PRMT7: variants seen among roughly 807,000 people sequenced by gnomAD.
PRMT7 encodes protein arginine N-methyltransferase 7.
PRMT7 carries 75 observed loss-of-function variants against 85.4 expected under a neutral mutation model. That is an observed-to-expected ratio of 0.88 (90% confidence interval 0.73 to 1.06). The LOEUF is 1.06. PRMT7 is among the 50% of genes least tolerant of loss of function. PRMT7 has a pLI of 0.00. For synonymous variants in PRMT7, 397 were observed against 359.5 expected, an observed-to-expected ratio of 1.10 and a Z score of -1.18; for missense variants, 868 against 915.2, an observed-to-expected ratio of 0.95 and a Z score of 0.67.
downstream of PRMT7, chr16:68,358,942 T>G (rs1308191009): frequency 6.6e-6 from 1 of 152,216 alleles, no homozygotes; most frequent in African/African-American, 2.4e-5. Flanking sequence ...CTGAGGGAGG[T>G]GTGCGGGGGC....
intron 5 of PRMT7, chr16:68,328,094 C>A: frequency 3.6e-6 from 1 of 274,204 alleles, no homozygotes; most frequent in Non-Finnish European, 7.9e-6. Flanking sequence ...ATAAATTAAA[C>A]CTGGTCATAG....
At chr16:68,340,419 A>G (rs2085331099) in intron 9 of PRMT7, among the ~76,000 whole-genome samples, 2 of 152,162 alleles carry the variant, frequency 1.3e-5, no homozygotes. Context: ...ACTGTCCCTC[A>G]TAATAAGAGA....
chr16:68,314,836 A>C (rs2044473636), intron 2 of PRMT7, among the ~76,000 whole-genome samples: 1 of 152,180 alleles, frequency 6.6e-6, no homozygotes, highest in Admixed American at 6.5e-5. Context: ...CTTTGGGGAG[A>C]CAGGCCATAC....
chr16:68,315,856 CGTTT>C (rs2044675420), intron 2 of PRMT7, 37 bp from the exon 3 acceptor site: 3 of 777,480 alleles, frequency 3.9e-6, no homozygotes, highest in Non-Finnish European at 6.5e-6. Flanking sequence ...TTTTTCTGTT[CGTTT>C]GTTTATATAC....
At chr16:68,334,384 CCT>C (rs1399751214) in intron 6 of PRMT7, among the ~76,000 whole-genome samples, 1 of 152,212 alleles carries the variant, frequency 6.6e-6, no homozygotes, top group African/African-American at 2.4e-5. Flanking sequence ...CTCTGCTTTT[CCT>C]CTCTAACCAC....
intron 9 of PRMT7, among the ~76,000 whole-genome samples, chr16:68,343,624 A>G (rs2085875481): frequency 6.6e-6 from 1 of 152,194 alleles, no homozygotes; most frequent in Non-Finnish European, 1.5e-5. Flanking sequence ...GGGCAGTGCC[A>G]TGGGAGCCTA....
chr16:68,324,597 T>A, intron 4 of PRMT7, 86 bp from the exon 5 acceptor site: 6 of 1,527,070 alleles, frequency 3.9e-6, no homozygotes, highest in Non-Finnish European at 5.4e-6. Context: ...GCACTGCCAC[T>A]GCCAGCTGTG....
At chr16:68,339,216 A>T in intron 7 of PRMT7, 106 bp from the exon 8 acceptor site, 1 of 1,471,550 alleles carries the variant, frequency 6.8e-7, no homozygotes. Flanking sequence ...GTTGGGCATT[A>T]CTGAACCAAC....
intron 6 of PRMT7, among the ~76,000 whole-genome samples, chr16:68,330,063 T>C (rs1056491899): frequency 2.0e-5 from 3 of 151,762 alleles, no homozygotes; most frequent in African/African-American, 7.3e-5. Context: ...CTGGCTGCTT[T>C]TTGTATTTTT....
At chr16:68,311,600 GCCCAGCTTGATTGAGCAGAAGATGTGAT>G (rs2043714635) in intron 1 of PRMT7, 1 of 152,440 alleles carries the variant, frequency 6.6e-6, no homozygotes, top group Non-Finnish European at 1.5e-5. Flanking sequence ...AGTCGACAAG[GCCCAGCTTGATTGAGCAGAAGATGTGAT>G]AGGAGATGAG....
intron 16 of PRMT7, 185 bp from the exon 17 acceptor site, chr16:68,355,538 G>C: frequency 1.9e-6 from 1 of 522,000 alleles, no homozygotes; most frequent in Non-Finnish European, 3.1e-6. Flanking sequence ...AGCGGTGCCT[G>C]GGGAGCCACT....
chr16:68,323,075 A>G (rs960200721), intron 4 of PRMT7, among the ~76,000 whole-genome samples: 22 of 152,136 alleles, frequency 1.4e-4, no homozygotes, highest in Non-Finnish European at 2.8e-4. Flanking sequence ...AAACGGTCAT[A>G]CTGATTGTAT....
chr16:68,337,639 C>A, intron 7 of PRMT7, 68 bp downstream of exon 7: 1 of 1,021,672 alleles, frequency 9.8e-7, no homozygotes, highest in Non-Finnish European at 1.5e-6. Context: ...CTCACTCATG[C>A]ACCGTGTCCC....
At chr16:68,316,125 A>C in intron 3 of PRMT7, 51 bp downstream of exon 3, 440 of 1,463,942 alleles carry the variant, frequency 3.0e-4, no homozygotes, top group Non-Finnish European at 3.9e-4. Context: ...ACTTGATCTC[A>C]AAGCAGATGC....
chr16:68,360,027 C>T (rs7188235), downstream of PRMT7: 85,594 of 153,026 alleles, frequency 0.56, 24,346 homozygotes, highest in East Asian at 0.78. Context: ...CTGCTCTCTG[C>T]ACCTTGGCTT....
chr16:68,337,595 G>C, intron 7 of PRMT7, 24 bp downstream of exon 7: 2 of 1,534,548 alleles, frequency 1.3e-6, no homozygotes, highest in Non-Finnish European at 1.8e-6. Flanking sequence ...GGCTCCCTCA[G>C]ACGTGTCTGT....
chr16:68,333,075 C>T (rs757879106), intron 6 of PRMT7, among the ~76,000 whole-genome samples: 81 of 152,264 alleles, frequency 5.3e-4, no homozygotes, highest in Non-Finnish European at 8.2e-4. Context: ...CTCACTGCAG[C>T]CTCGACTTCT....
chr16:68,336,057 G>A (rs1247719144), intron 6 of PRMT7, among the ~76,000 whole-genome samples: 2 of 152,158 alleles, frequency 1.3e-5, no homozygotes, highest in Non-Finnish European at 2.9e-5. Flanking sequence ...GATTACAGGC[G>A]GGAGCCACCG....
At position 68,311,049 on chromosome 16, in the gene PRMT7, C is replaced by G. The variant is rs775700043; in HGVS notation, c.-269C>G. On this transcript the variant is annotated 5_prime_UTR_variant, in exon 1 of 19. Transcript: ENST00000441236. The stretch of plus-strand genomic sequence containing the variant: ...TGCGAGGTCCCGCCCCGCGTGCTGG[C>G]CGCGGTAAAAGTGGTAGCAGCGGAG... 1.8e-5 allele frequency: 16 copies of G among 901,068 alleles called. No individual in the cohort carries two copies. The Admixed American group carries it at 1.8e-4, about 10-fold the overall frequency. The allele number at this position is 901,068 out of a possible 1,614,324, so 55.8% of individuals were successfully genotyped here.
Sources: allele counts gnomAD v4.1 joint callset (sites outside exome capture counted in the v4.1 genomes callset), GRCh38; gene constraint gnomAD v4.1.1; transcripts MANE v1.5; gene names NCBI Gene and HGNC (gene_info 2026-07-23, HGNC 2026-07-21).